The following NUFIP1 variants were observed in gnomAD, a reference collection of about 807,000 sequenced individuals.
The protein encoded by NUFIP1 is FMR1-interacting protein NUFIP1.
NUFIP1 carries 38 observed loss-of-function variants against 56.2 expected under a neutral mutation model. The ratio of observed to expected loss-of-function variants is 0.68; its 90% CI spans 0.52 to 0.89. The LOEUF is 0.89. Among genes scored for constraint, NUFIP1 ranks in the 40% least tolerant of loss-of-function variants. NUFIP1 has a pLI of 0.00. For missense variants in NUFIP1, 567 were observed against 605.8 expected (o/e 0.94, Z 0.67); for synonymous variants, 215 against 212.4 (o/e 1.01, Z -0.10).
chr13:44,952,738 A>T (rs1215380332), intron 7 of NUFIP1, among the ~76,000 whole-genome samples: 2 of 152,222 alleles, frequency 1.3e-5, no homozygotes, highest in Non-Finnish European at 2.9e-5. Flanking sequence ...ACTAGTATTT[A>T]AACTATAGAC....
chr13:44,982,476 T>C (rs192456675), intron 1 of NUFIP1, among the ~76,000 whole-genome samples: 1 of 152,312 alleles, frequency 6.6e-6, no homozygotes, highest in East Asian at 1.9e-4. Flanking sequence ...TCCCCAACAC[T>C]GCTCCTTCAG....
At chr13:44,963,292 T>G (rs975756294) in intron 6 of NUFIP1, among the ~76,000 whole-genome samples, 3 of 152,246 alleles carry the variant, frequency 2.0e-5, no homozygotes, top group Non-Finnish European at 4.4e-5. Context: ...CCTAGGCATT[T>G]GATGCTATTC....
intron 2 of NUFIP1, among the ~76,000 whole-genome samples, chr13:44,981,567 T>C (rs1385421695): frequency 6.6e-6 from 1 of 152,092 alleles, no homozygotes; most frequent in Non-Finnish European, 1.5e-5. Context: ...TCCCAGCACT[T>C]TGGGAGGCGG....
At chr13:44,966,054 C>A in intron 5 of NUFIP1, 118 bp from the exon 6 acceptor site, 1 of 447,478 alleles carries the variant, frequency 2.2e-6, no homozygotes, top group South Asian at 6.0e-5. Flanking sequence ...AAATTATAAA[C>A]CTTTAACTGC....
At chr13:44,961,750 G>A (rs562239630) in intron 6 of NUFIP1, among the ~76,000 whole-genome samples, 1 of 152,296 alleles carries the variant, frequency 6.6e-6, no homozygotes, top group South Asian at 2.1e-4. Flanking sequence ...ATGAAGAGAT[G>A]CCACTTTCTT....
chr13:44,944,222 G>A (rs1181757292), intron 8 of NUFIP1, among the ~76,000 whole-genome samples: 2 of 152,068 alleles, frequency 1.3e-5, no homozygotes, highest in East Asian at 3.9e-4. Flanking sequence ...ATAAACTGCA[G>A]ACCAACTCCT....
At chr13:44,985,499 G>A (rs1177885862) in intron 1 of NUFIP1, among the ~76,000 whole-genome samples, 13 of 152,176 alleles carry the variant, frequency 8.5e-5, no homozygotes, top group Non-Finnish European at 2.9e-5. Flanking sequence ...CCTACATCAA[G>A]CAGGTCTATC....
At chr13:44,960,182 G>A (rs1384828635) in intron 6 of NUFIP1, among the ~76,000 whole-genome samples, 7 of 150,072 alleles carry the variant, frequency 4.7e-5, no homozygotes, top group Admixed American at 2.0e-4. Context: ...TGCCCACCTC[G>A]GCCTCACAAA....
At chr13:44,951,977 C>T (rs943226190) in intron 7 of NUFIP1, among the ~76,000 whole-genome samples, 6 of 152,150 alleles carry the variant, frequency 3.9e-5, no homozygotes, top group Non-Finnish European at 8.8e-5. Flanking sequence ...GTCTCTCTGC[C>T]TTGACTGCTA....
At chr13:44,961,631 G>A (rs1871428105) in intron 6 of NUFIP1, among the ~76,000 whole-genome samples, 1 of 152,066 alleles carries the variant, frequency 6.6e-6, no homozygotes, top group South Asian at 2.1e-4. Context: ...GAAAGCCATG[G>A]ACCAATCTCC....
intron 8 of NUFIP1, among the ~76,000 whole-genome samples, chr13:44,945,325 G>T (rs1440950989): frequency 6.6e-6 from 1 of 151,878 alleles, no homozygotes; most frequent in Non-Finnish European, 1.5e-5. Context: ...AGGAAAATAT[G>T]AATAGTCCTG....
At chr13:44,980,869 A>G in intron 2 of NUFIP1, 49 bp from the exon 3 acceptor site, 1 of 1,205,402 alleles carries the variant, frequency 8.3e-7, no homozygotes, top group Non-Finnish European at 1.2e-6. Flanking sequence ...AAAATCTGTA[A>G]TCAATAATAA....
chr13:44,981,047 T>A lies in NUFIP1; in HGVS notation c.496-227A>T, dbSNP rs534486062. Among the ~76,000 whole-genome samples, 5 of 152,342 alleles carry A rather than the reference T, an allele frequency of 3.3e-5. No individual in the cohort carries two copies. The South Asian group carries it at 6.2e-4, about 19-fold the overall frequency. On this transcript the variant is annotated intron_variant, in intron 2 of 9. Transcript: ENST00000379161. ...ACCCAGGCATAATTTTAAACTTTTTTAATCCAAATAGTGCTAATATAAATT... is the reference window on the plus strand; with the variant it reads ...ACCCAGGCATAATTTTAAACTTTTTAAATCCAAATAGTGCTAATATAAATT...
At chr13:44,969,058 T>C (rs1390051711) in intron 5 of NUFIP1, among the ~76,000 whole-genome samples, 5 of 152,180 alleles carry the variant, frequency 3.3e-5, no homozygotes, top group African/African-American at 1.2e-4. Context: ...TAAGGAAACT[T>C]GTCTTCCTAA....
At chr13:44,968,583 G>A in intron 5 of NUFIP1, among the ~76,000 whole-genome samples, 1 of 152,170 alleles carries the variant, frequency 6.6e-6, no homozygotes. Context: ...TTCTCAAACT[G>A]AAGAGAATAT....
intron 2 of NUFIP1, 73 bp from the exon 3 acceptor site, chr13:44,980,893 A>G (rs1470391392): frequency 1.1e-6 from 1 of 884,144 alleles, no homozygotes; most frequent in Non-Finnish European, 1.8e-6. Context: ...CATAACTATC[A>G]TTCTAGTAAT....
chr13:44,947,255 T>C (rs1350263293), intron 8 of NUFIP1, among the ~76,000 whole-genome samples: 2 of 150,132 alleles, frequency 1.3e-5, no homozygotes, highest in African/African-American at 4.9e-5. Flanking sequence ...TTTTTTTTTT[T>C]TGAGATGGAG....
At chr13:44,988,605 A>AT (rs1046237151) in intron 1 of NUFIP1, among the ~76,000 whole-genome samples, 2 of 152,170 alleles carry the variant, frequency 1.3e-5, no homozygotes, top group Non-Finnish European at 2.9e-5. Context: ...GCTCCATAAT[A>AT]TTTTTTGTAT....
chr13:44,956,802 T>A (rs969056958), intron 7 of NUFIP1, among the ~76,000 whole-genome samples: 19 of 151,698 alleles, frequency 1.3e-4, no homozygotes, highest in South Asian at 1.0e-3. Context: ...CGCCTCCCCA[T>A]CCCCGCTCCC....
Sources: allele counts gnomAD v4.1 joint callset (sites outside exome capture counted in the v4.1 genomes callset), GRCh38; gene constraint gnomAD v4.1.1; transcripts MANE v1.5; gene names NCBI Gene and HGNC (gene_info 2026-07-23, HGNC 2026-07-21).